The following BBS9 variants were observed in gnomAD, a reference collection of about 807,000 sequenced individuals.
BBS9 encodes Bardet-Biedl syndrome 9.
Under a neutral mutation model 117.7 loss-of-function variants are expected in BBS9, and 89 were observed. The observed-to-expected ratio is 0.76, with a 90% CI of 0.64 to 0.90. The LOEUF is 0.90. Ranked by LOEUF, BBS9 falls within the 40% of genes least tolerant of loss-of-function variation. The pLI is 0.00. For synonymous variants in BBS9, 379 were observed against 370.9 expected (o/e 1.02, Z -0.25); for missense variants, 982 against 1,042.2 (o/e 0.94, Z 0.80).
At chr7:33,630,581 G>A (rs1865845530) in intron 21 of BBS9, among the ~76,000 whole-genome samples, 1 of 152,110 alleles carries the variant, frequency 6.6e-6, no homozygotes. Context: ...TGTTTTCTAT[G>A]AGTTAGATTT....
At chr7:33,472,651 A>G (rs751814896) in intron 19 of BBS9, among the ~76,000 whole-genome samples, 1 of 152,348 alleles carries the variant, frequency 6.6e-6, no homozygotes, top group African/African-American at 2.4e-5. Flanking sequence ...TGTAGAATAC[A>G]TCGACAAGCA....
At chr7:33,168,935 T>C (rs1353260268) in intron 4 of BBS9, among the ~76,000 whole-genome samples, 2 of 152,076 alleles carry the variant, frequency 1.3e-5, no homozygotes, top group Non-Finnish European at 2.9e-5. Flanking sequence ...GCATTAGGTA[T>C]ATCTCCCAAT....
chr7:33,264,366 A>T lies in BBS9; in HGVS notation c.694A>T (p.Arg232Ter). The T allele has an allele frequency of 6.3e-7, 1 of 1,579,862 alleles. No homozygotes were observed. The highest frequency in any genetic ancestry group is 8.6e-7 in the Non-Finnish European group (1 of 1,161,454). ...TEQQKLGSGK[R>*]LVVDWTLNIG... The stretch of plus-strand genomic sequence containing the variant: ...ACAGCAAAAACTTGGTTCTGGAAAA[A>T]GACTAGTTGTAAGGCCTTTTTTTAA... The change falls in exon 7 of 23, where the codon AGA (arginine) becomes TGA (stop). Residue 232 changes from arginine (R) to a stop codon, truncating the protein, a stop_gained. Transcript: ENST00000242067. LOFTEE classifies it high-confidence loss of function.
intron 19 of BBS9, among the ~76,000 whole-genome samples, chr7:33,433,297 A>G (rs1417593594): frequency 6.6e-6 from 1 of 152,158 alleles, no homozygotes; most frequent in African/African-American, 2.4e-5. Context: ...TTTACCTTCA[A>G]TCACAGTCAT....
intron 20 of BBS9, among the ~76,000 whole-genome samples, chr7:33,525,300 C>G (rs1369354167): frequency 7.7e-6 from 1 of 130,300 alleles, no homozygotes; most frequent in Admixed American, 8.0e-5. Flanking sequence ...TCCTGGGTAT[C>G]CTTGTTGACT....
intron 5 of BBS9, among the ~76,000 whole-genome samples, chr7:33,181,270 T>C (rs543252362): frequency 1.3e-4 from 20 of 152,304 alleles, no homozygotes; most frequent in African/African-American, 4.6e-4. Context: ...ACTTCTAATA[T>C]GAGAAATTGA....
At chr7:33,164,452 T>C (rs1795348610) in intron 4 of BBS9, among the ~76,000 whole-genome samples, 1 of 152,232 alleles carries the variant, frequency 6.6e-6, no homozygotes, top group Non-Finnish European at 1.5e-5. Flanking sequence ...CCATTATTAT[T>C]GTGTGGGAGT....
At position 33,129,846 on chromosome 7, in the gene BBS9, C is replaced by T. The variant is rs916423105; in HGVS notation, c.-207C>T. On this transcript the variant is annotated 5_prime_UTR_variant, in exon 1 of 23. Coordinates refer to ENST00000242067, the MANE Select transcript of BBS9 (RefSeq NM_198428.3). ...GTGGTGCTGCCTGGTGGGGCTCTCT[C>T]TTTGCCCGGGACGTGGAACAACTTT... is the stretch of plus-strand genomic sequence containing the variant. The T allele has an allele frequency of 6.6e-6, 1 of 152,322 alleles. No individual in the cohort carries two copies. Among genetic ancestry groups the T allele is most frequent in the African/African-American group, 2.4e-5 (1 of 41,396 alleles). 9.4% of individuals were successfully genotyped at this position (152,322 alleles called of 1,614,324 possible).
At chr7:33,506,280 G>A (rs1378946412) in intron 20 of BBS9, among the ~76,000 whole-genome samples, 3 of 152,106 alleles carry the variant, frequency 2.0e-5, no homozygotes, top group Admixed American at 2.0e-4. Context: ...GGGCCGTTCT[G>A]GGGGACTTTT....
At chr7:33,513,727 C>T (rs913195740) in intron 20 of BBS9, among the ~76,000 whole-genome samples, 30 of 152,160 alleles carry the variant, frequency 2.0e-4, no homozygotes, top group African/African-American at 7.0e-4. Flanking sequence ...CATGTTCATT[C>T]ACATATCCTC....
chr7:33,349,095 C>CA lies in BBS9; in HGVS notation c.1362dup (p.Ala455SerfsTer16). 2.5e-6 allele frequency: 4 copies of CA among 1,612,488 alleles called. No individual in the cohort carries two copies. Among genetic ancestry groups the CA allele is most frequent in the Non-Finnish European group, 2.5e-6 (3 of 1,178,784 alleles). On this transcript the variant is annotated frameshift_variant, in exon 13 of 23. Coordinates refer to ENST00000242067, the MANE Select transcript of BBS9 (RefSeq NM_198428.3). LOFTEE classifies it high-confidence loss of function. ...CACACTGCAGAACAGAGTGATATTG[C>CA]AAAAAGCCAAATTATCAGTCTACGT...
chr7:33,301,373 T>C (rs1406955171), intron 9 of BBS9, among the ~76,000 whole-genome samples: 2 of 152,232 alleles, frequency 1.3e-5, no homozygotes, highest in East Asian at 1.9e-4. Flanking sequence ...TTAGTCATTC[T>C]TTCTATTTTT....
At chr7:33,527,073 C>A (rs1367789839) in intron 20 of BBS9, among the ~76,000 whole-genome samples, 1 of 151,748 alleles carries the variant, frequency 6.6e-6, no homozygotes, top group Admixed American at 6.6e-5. Context: ...GGTCAGGGGT[C>A]AGGCACCCAC....
chr7:33,467,029 CTCTT>C (rs879860659), intron 19 of BBS9, among the ~76,000 whole-genome samples: 321 of 75,420 alleles, frequency 4.3e-3, no homozygotes, highest in South Asian at 0.014. Flanking sequence ...CTCTCTCTCT[CTCTT>C]ATGACAACCA....
chr7:33,449,360 C>G (rs925394607), intron 19 of BBS9, among the ~76,000 whole-genome samples: 1 of 152,098 alleles, frequency 6.6e-6, no homozygotes, highest in African/African-American at 2.4e-5. Context: ...CAGGCAATTC[C>G]CAATTTATGG....
chr7:33,592,325 T>G (rs1862064017), intron 21 of BBS9, among the ~76,000 whole-genome samples: 1 of 152,086 alleles, frequency 6.6e-6, no homozygotes, highest in Admixed American at 6.6e-5. Flanking sequence ...GCACATGCTA[T>G]ATTTTCTGCA....
chr7:33,547,063 A>C (rs552479645), intron 21 of BBS9, among the ~76,000 whole-genome samples: 1 of 152,270 alleles, frequency 6.6e-6, no homozygotes, highest in Non-Finnish European at 1.5e-5. Flanking sequence ...TCGTGGGAAG[A>C]TGCAAAAATA....
At chr7:33,399,617 A>T (rs1828581999) in intron 19 of BBS9, among the ~76,000 whole-genome samples, 2 of 152,152 alleles carry the variant, frequency 1.3e-5, no homozygotes, top group African/African-American at 4.8e-5. Flanking sequence ...CATAATTGTT[A>T]TGAAAAGGGA....
chr7:33,321,478 C>T (rs1306758230), intron 9 of BBS9, among the ~76,000 whole-genome samples: 1 of 151,182 alleles, frequency 6.6e-6, no homozygotes, highest in Non-Finnish European at 1.5e-5. Flanking sequence ...ATTTAATTTT[C>T]TTTGTAGCTT....
Sources: gnomAD v4.1 joint callset for allele counts (sites outside exome capture counted in the v4.1 genomes callset) on GRCh38, gnomAD v4.1.1 for gene constraint, MANE v1.5 for transcripts, NCBI Gene and HGNC (gene_info 2026-07-23, HGNC 2026-07-21) for gene names.